Variants in SLC10A7 observed in about 807,000 individuals in gnomAD.
SLC10A7 encodes sodium/bile acid cotransporter 7.
SLC10A7 carries 29 observed loss-of-function variants against 43.2 expected under a neutral mutation model. The observed-to-expected ratio is 0.67, with a 90% CI of 0.50 to 0.92. The LOEUF is 0.92. SLC10A7 is among the 40% of genes least tolerant of loss of function. SLC10A7 has a pLI of 0.00. For missense variants in SLC10A7, 295 were observed against 403.2 expected (o/e 0.73, Z 2.30); for synonymous variants, 152 against 144.8 (o/e 1.05, Z -0.35).
intron 7 of SLC10A7, among the ~76,000 whole-genome samples, chr4:146,304,721 A>G (rs1731422098): frequency 6.6e-6 from 1 of 152,008 alleles, no homozygotes. Flanking sequence ...AAAAATGTAT[A>G]TTCTGTTGAT....
rs149092797 is a variant in SLC10A7, at chr4:146,339,236, C to G, written c.436-13240G>C. On this transcript the variant is annotated intron_variant, in intron 5 of 11. Transcript: ENST00000335472. ...AACAAACAAAAAACCCAGACCATGT[C>G]TACACATGTGAAATGAATAGGTTTG... is the stretch of plus-strand genomic sequence containing the variant. Among the ~76,000 whole-genome samples, 158 of 152,104 alleles carry G rather than the reference C, an allele frequency of 1.0e-3. 1 individual carries two copies. The Middle Eastern group carries it at 0.014, about 13-fold the overall frequency.
chr4:146,301,984 T>A (rs1057169460), intron 7 of SLC10A7, among the ~76,000 whole-genome samples: 4 of 152,210 alleles, frequency 2.6e-5, no homozygotes, highest in Non-Finnish European at 5.9e-5. Context: ...ACTGAGTACA[T>A]GAAGAATGAG....
intron 5 of SLC10A7, among the ~76,000 whole-genome samples, chr4:146,364,402 T>A (rs956628334): frequency 6.6e-6 from 1 of 152,154 alleles, no homozygotes; most frequent in Admixed American, 6.6e-5. Context: ...TGATGAATTT[T>A]ATCAAACATG....
intron 5 of SLC10A7, among the ~76,000 whole-genome samples, chr4:146,361,862 A>C (rs759508190): frequency 1.2e-4 from 18 of 152,178 alleles, no homozygotes; most frequent in Non-Finnish European, 2.6e-4. Context: ...GAAATTCAGA[A>C]TTCTGTTAGA....
Position 146,374,655 on chromosome 4 carries a change from CACACACAT to C in SLC10A7, c.436-48667_436-48660del, listed in dbSNP as rs775519000. ...ACACACACACACACACACACACACACACACACATATATATATATTTTCTGGATGTGACC... is the reference window on the plus strand; with the variant it reads ...ACACACACACACACACACACACACACATATATATATTTTCTGGATGTGACC... On this transcript the variant is annotated intron_variant, in intron 5 of 11. Transcript: ENST00000335472. 6.9e-3 allele frequency among the ~76,000 whole-genome samples: 1,013 copies of C among 146,784 alleles called. 8 individuals are homozygous for C. The highest frequency in any genetic ancestry group is 0.017 in the African/African-American group (666 of 39,438).
intron 4 of SLC10A7, among the ~76,000 whole-genome samples, chr4:146,446,248 T>C (rs1731063619): frequency 6.6e-6 from 1 of 152,178 alleles, no homozygotes; most frequent in African/African-American, 2.4e-5. Context: ...CAGAACATCC[T>C]GAGCCTATCT....
intron 4 of SLC10A7, among the ~76,000 whole-genome samples, chr4:146,499,348 C>G (rs913037438): frequency 8.5e-5 from 13 of 152,182 alleles, no homozygotes; most frequent in Middle Eastern, 3.4e-3. Flanking sequence ...AGAATCAGGG[C>G]CTTCATCAAA....
intron 10 of SLC10A7, among the ~76,000 whole-genome samples, chr4:146,265,195 G>A (rs1053241248): frequency 6.6e-5 from 10 of 152,232 alleles, no homozygotes; most frequent in African/African-American, 2.4e-4. Context: ...CCCATTAAAA[G>A]ATGAGGAAAC....
chr4:146,359,579 G>A (rs1315611559), intron 5 of SLC10A7, among the ~76,000 whole-genome samples: 1 of 152,012 alleles, frequency 6.6e-6, no homozygotes, highest in African/African-American at 2.4e-5. Flanking sequence ...GGGGTGTTAA[G>A]GGGTGACAGT....
chr4:146,418,503 T>C (rs1728731610), intron 5 of SLC10A7, among the ~76,000 whole-genome samples: 2 of 152,190 alleles, frequency 1.3e-5, no homozygotes, highest in African/African-American at 4.8e-5. Context: ...GCTACATTGC[T>C]TATAGTATTT....
At chr4:146,401,706 G>A (rs190300361) in intron 5 of SLC10A7, among the ~76,000 whole-genome samples, 12 of 152,244 alleles carry the variant, frequency 7.9e-5, no homozygotes, top group Admixed American at 1.3e-4. Flanking sequence ...TGTGTGATTC[G>A]AAATACCACT....
At chr4:146,429,012 C>G (rs902581699) in intron 5 of SLC10A7, among the ~76,000 whole-genome samples, 12 of 152,040 alleles carry the variant, frequency 7.9e-5, no homozygotes, top group Admixed American at 7.2e-4. Context: ...ATCTACTTCA[C>G]AGGATTTTCT....
intron 6 of SLC10A7, among the ~76,000 whole-genome samples, chr4:146,315,038 A>G (rs190564409): frequency 6.6e-6 from 1 of 152,122 alleles, no homozygotes; most frequent in Non-Finnish European, 1.5e-5. Context: ...GCTTCCTTTC[A>G]TTCCTCTTCT....
chr4:146,298,832 G>A (rs1460934910), intron 7 of SLC10A7, among the ~76,000 whole-genome samples: 2 of 152,150 alleles, frequency 1.3e-5, no homozygotes, highest in African/African-American at 4.8e-5. Context: ...CACCTTCAGG[G>A]TAGAAGATAC....
At chr4:146,341,532 A>C (rs979664485) in intron 5 of SLC10A7, among the ~76,000 whole-genome samples, 11 of 151,828 alleles carry the variant, frequency 7.2e-5, no homozygotes, top group African/African-American at 2.7e-4. Context: ...AAATAGGATA[A>C]AATTTCACCA....
At chr4:146,380,291 GGT>G (rs539829581) in intron 5 of SLC10A7, among the ~76,000 whole-genome samples, 66 of 152,238 alleles carry the variant, frequency 4.3e-4, no homozygotes, top group African/African-American at 1.5e-3. Flanking sequence ...AAGGCACATA[GGT>G]TGCCTAAATT....
Position 146,517,107 on chromosome 4 carries a change from T to C in SLC10A7, c.114A>G (p.Pro38=). Residue 38 remains proline, a synonymous_variant, in exon 2 of 12, where the codon CCA becomes CCG. Coordinates refer to ENST00000335472, the MANE Select transcript of SLC10A7 (RefSeq NM_001029998.6). ...SIGVNGGPLK[P]EITVSYIAVA... ...CAGCAATGTAGGATACAGTTATTTC[T>C]GGCTTCAGTGGTCCTAAAAAGAGAA... is the stretch of plus-strand genomic sequence containing the variant. The C allele has an allele frequency of 6.2e-7, 1 of 1,607,984 alleles. No individual in the cohort carries two copies. Among genetic ancestry groups the C allele is most frequent in the Non-Finnish European group, 8.5e-7 (1 of 1,176,556 alleles).
intron 5 of SLC10A7, among the ~76,000 whole-genome samples, chr4:146,416,885 T>G (rs1324734037): frequency 1.3e-5 from 2 of 152,142 alleles, no homozygotes; most frequent in African/African-American, 4.8e-5. Flanking sequence ...ACAAACACCA[T>G]TTCCCCAAAT....
At chr4:146,397,937 T>A (rs1738952395) in intron 5 of SLC10A7, among the ~76,000 whole-genome samples, 1 of 152,212 alleles carries the variant, frequency 6.6e-6, no homozygotes, top group South Asian at 2.1e-4. Flanking sequence ...GGGCAGAGAC[T>A]CTGAGGACCA....
Sources: gnomAD v4.1 joint callset for allele counts (sites outside exome capture counted in the v4.1 genomes callset) on GRCh38, gnomAD v4.1.1 for gene constraint, MANE v1.5 for transcripts, NCBI Gene and HGNC (gene_info 2026-07-23, HGNC 2026-07-21) for gene names.